The following KCND2 variants were observed in gnomAD, a reference collection of about 807,000 sequenced individuals.
KCND2 encodes A-type voltage-gated potassium channel KCND2.
A neutral mutation model predicts 54.4 loss-of-function variants in KCND2; 16 were observed. The ratio of observed to expected loss-of-function variants is 0.29; its 90% confidence interval spans 0.20 to 0.45. The LOEUF (loss-of-function observed/expected upper bound fraction) is 0.45. Ranked by LOEUF, KCND2 falls within the 20% of genes least tolerant of loss-of-function variation. KCND2 has a pLI of 1.00. For missense variants in KCND2, 486 were observed against 824.2 expected, an observed-to-expected ratio of 0.59 and a Z score of 5.02; for synonymous variants, 317 against 310.7, an observed-to-expected ratio of 1.02 and a Z score of -0.21.
intron 1 of KCND2, among the ~76,000 whole-genome samples, chr7:120,608,415 G>C (rs939075992): frequency 2.0e-5 from 3 of 151,974 alleles, no homozygotes; most frequent in Admixed American, 1.3e-4. Context: ...CAAGTAAATA[G>C]AAAAAAATGT....
At chr7:120,456,348 A>G (rs894929407) in intron 1 of KCND2, among the ~76,000 whole-genome samples, 1 of 152,220 alleles carries the variant, frequency 6.6e-6, no homozygotes, top group Non-Finnish European at 1.5e-5. Flanking sequence ...AGTTTGGATA[A>G]TATTGAATAA....
chr7:120,455,681 C>T (rs1802189278), intron 1 of KCND2, among the ~76,000 whole-genome samples: 1 of 152,018 alleles, frequency 6.6e-6, no homozygotes, highest in South Asian at 2.1e-4. Flanking sequence ...ATGTTTTTTG[C>T]AGCAACATGG....
At chr7:120,277,752 G>T (rs1799199786) in intron 1 of KCND2, among the ~76,000 whole-genome samples, 1 of 151,904 alleles carries the variant, frequency 6.6e-6, no homozygotes, top group Admixed American at 6.6e-5. Context: ...AGGAAAATAT[G>T]AGACAACATT....
In KCND2 at chr7:120,601,044, TTAA is replaced by T. The variant is rs1189799190; in HGVS notation, c.1116-131854_1116-131852del. 2.0e-5 allele frequency among the ~76,000 whole-genome samples: 3 copies of T among 152,112 alleles called. No individual in the cohort carries two copies. In the East Asian group the frequency reaches 5.8e-4, roughly 29 times the overall value. ...GTCAGATAATATGTTTTAATAACAG[TTAA>T]TAATCACTATAAACATTTCTTAAAT... On this transcript the variant is annotated intron_variant, in intron 1 of 5. Coordinates refer to ENST00000331113, the MANE Select transcript of KCND2 (RefSeq NM_012281.3).
At chr7:120,511,803 A>C (rs923000572) in intron 1 of KCND2, among the ~76,000 whole-genome samples, 1 of 152,164 alleles carries the variant, frequency 6.6e-6, no homozygotes, top group Non-Finnish European at 1.5e-5. Context: ...ATTTAGAGTT[A>C]TATAGAAATA....
At chr7:120,334,699 A>C (rs1800119290) in intron 1 of KCND2, among the ~76,000 whole-genome samples, 1 of 152,296 alleles carries the variant, frequency 6.6e-6, no homozygotes, top group African/African-American at 2.4e-5. Flanking sequence ...CCAAGGTGAT[A>C]TATATTTCAC....
intron 1 of KCND2, among the ~76,000 whole-genome samples, chr7:120,590,929 G>C (rs1264001451): frequency 6.6e-6 from 1 of 152,090 alleles, no homozygotes; most frequent in African/African-American, 2.4e-5. Flanking sequence ...ATGAAAAACT[G>C]TCTTGTGTTT....
intron 1 of KCND2, among the ~76,000 whole-genome samples, chr7:120,642,832 A>G (rs947935945): frequency 9.9e-5 from 15 of 152,178 alleles, no homozygotes; most frequent in African/African-American, 3.4e-4. Context: ...AGGTTAAGTG[A>G]TTTGCCAAGA....
chr7:120,653,496 C>T (rs1791764660), intron 1 of KCND2, among the ~76,000 whole-genome samples: 1 of 152,150 alleles, frequency 6.6e-6, no homozygotes, highest in African/African-American at 2.4e-5. Context: ...ATTAGTTCAT[C>T]TGTTCCCTAA....
chr7:120,503,688 C>T (rs930449793), intron 1 of KCND2, among the ~76,000 whole-genome samples: 6 of 151,890 alleles, frequency 4.0e-5, no homozygotes, highest in South Asian at 2.1e-4. Flanking sequence ...TATTTAGTTC[C>T]GTCTCGATCC....
intron 1 of KCND2, among the ~76,000 whole-genome samples, chr7:120,468,610 A>G (rs1802412034): frequency 6.6e-6 from 1 of 152,108 alleles, no homozygotes; most frequent in South Asian, 2.1e-4. Flanking sequence ...TTTTTAGAAA[A>G]TTGTATTCTT....
chr7:120,628,161 C>T (rs1017078852), intron 1 of KCND2, among the ~76,000 whole-genome samples: 2 of 152,098 alleles, frequency 1.3e-5, no homozygotes, highest in African/African-American at 4.8e-5. Context: ...GAGAAGAGAA[C>T]CAGATTTTAA....
intron 1 of KCND2, among the ~76,000 whole-genome samples, chr7:120,593,868 C>T (rs772607286): frequency 2.0e-5 from 3 of 152,080 alleles, no homozygotes; most frequent in Admixed American, 6.6e-5. Context: ...AGAGAGGGTA[C>T]GATTTGTCAC....
At chr7:120,658,525 T>C (rs964241261) in intron 1 of KCND2, among the ~76,000 whole-genome samples, 1 of 152,200 alleles carries the variant, frequency 6.6e-6, no homozygotes, top group African/African-American at 2.4e-5. Flanking sequence ...TTCAATATTA[T>C]TCTCCCTTCA....
At chr7:120,640,054 C>T (rs1362411215) in intron 1 of KCND2, among the ~76,000 whole-genome samples, 1 of 152,156 alleles carries the variant, frequency 6.6e-6, no homozygotes, top group African/African-American at 2.4e-5. Flanking sequence ...TTTTTAATAA[C>T]ATTGAATGCT....
At chr7:120,723,265 A>G (rs772139650) in intron 1 of KCND2, among the ~76,000 whole-genome samples, 1 of 152,192 alleles carries the variant, frequency 6.6e-6, no homozygotes, top group Non-Finnish European at 1.5e-5. Context: ...TACTTGATGG[A>G]CTAATTTTTC....
At chr7:120,329,538 G>GA (rs1241738945) in intron 1 of KCND2, among the ~76,000 whole-genome samples, 1 of 151,844 alleles carries the variant, frequency 6.6e-6, no homozygotes, top group African/African-American at 2.4e-5. Context: ...CATTTTGAAG[G>GA]AAAAAAACTG....
intron 1 of KCND2, among the ~76,000 whole-genome samples, chr7:120,401,062 G>A (rs1191404784): frequency 2.0e-5 from 3 of 152,068 alleles, no homozygotes; most frequent in Non-Finnish European, 4.4e-5. Flanking sequence ...TGAGTAGAAG[G>A]TAAAAGACAA....
intron 1 of KCND2, among the ~76,000 whole-genome samples, chr7:120,491,026 C>T (rs1802771486): frequency 6.6e-6 from 1 of 152,080 alleles, no homozygotes; most frequent in South Asian, 2.1e-4. Flanking sequence ...GAACTACTAC[C>T]ATGCTTTCAC....
Sources: allele counts gnomAD v4.1 joint callset (sites outside exome capture counted in the v4.1 genomes callset), GRCh38; gene constraint gnomAD v4.1.1; transcripts MANE v1.5; gene names NCBI Gene and HGNC (gene_info 2026-07-23, HGNC 2026-07-21).